The following FGF13 variants were observed in gnomAD, a reference collection of about 807,000 sequenced individuals.
The protein encoded by FGF13 is fibroblast growth factor 13.
Under a neutral mutation model 19.5 loss-of-function variants are expected in FGF13, and 2 were observed. The ratio of observed to expected loss-of-function variants is 0.10; its 90% CI spans 0.04 to 0.32. The LOEUF (loss-of-function observed/expected upper bound fraction) is 0.32, where lower values mean the gene tolerates loss of function less well. Among genes scored for constraint, FGF13 ranks in the 10% least tolerant of loss-of-function variants. FGF13 has a pLI of 1.00. For synonymous variants in FGF13, 72 were observed against 76.9 expected (o/e 0.94, Z 0.33); for missense variants, 113 against 192.7 (o/e 0.59, Z 2.45).
chrX:138,768,448 G>A (rs1410775585), intron 3 of FGF13, among the ~76,000 whole-genome samples: 1 of 109,349 alleles, frequency 9.1e-6, no homozygotes, highest in Non-Finnish European at 1.9e-5. Flanking sequence ...TGGGGGTGCT[G>A]GTAATGTTCT....
At chrX:138,741,671 C>T (rs1412324281), upstream of FGF13, among the ~76,000 whole-genome samples, 3 of 111,382 alleles carry the variant, frequency 2.7e-5, no homozygotes, top group East Asian at 2.9e-4. Context: ...CTAATTCACA[C>T]AAATTTGTCA....
chrX:139,088,498 A>G (rs2083418324), intron 1 of FGF13, among the ~76,000 whole-genome samples: 1 of 109,046 alleles, frequency 9.2e-6, no homozygotes, highest in Admixed American at 9.8e-5. Flanking sequence ...GGCAGATTCA[A>G]CAAAGTCAGC....
chrX:138,792,379 G>A (rs1455469962), intron 3 of FGF13, among the ~76,000 whole-genome samples: 2 of 111,962 alleles, frequency 1.8e-5, no homozygotes, highest in African/African-American at 6.5e-5. Flanking sequence ...GCTAGATAGT[G>A]GGTGGCAGAG....
intron 4 of FGF13, among the ~76,000 whole-genome samples, chrX:138,633,432 A>G (rs1244474516): frequency 9.0e-6 from 1 of 111,640 alleles, no homozygotes; most frequent in Non-Finnish European, 1.9e-5. Flanking sequence ...CTTCAACCAC[A>G]TATGGTTATG....
intron 1 of FGF13, among the ~76,000 whole-genome samples, chrX:138,881,314 A>AGC (rs1306819246): frequency 9.0e-6 from 1 of 111,655 alleles, no homozygotes; most frequent in African/African-American, 3.3e-5. Context: ...TATCTCTAGT[A>AGC]GCTTTCTTGT....
rs558368788 is a variant in FGF13, at chrX:138,848,653, G to A, written c.217+8859C>T. 5.4e-5 allele frequency among the ~76,000 whole-genome samples: 6 copies of A among 111,584 alleles called. No individual in the cohort carries two copies. In the South Asian group the frequency reaches 2.3e-3, roughly 42 times the overall value. On this transcript the variant is annotated intron_variant, in intron 3 of 6. Transcript: ENST00000436198. The stretch of plus-strand genomic sequence containing the variant: ...TTATTTGAAATGCTTGGGACCAGAA[G>A]CACGACAAGAGATTTTGCAGGTTTT...
chrX:138,818,946 T>A (rs1003866375), intron 3 of FGF13, among the ~76,000 whole-genome samples: 25 of 111,974 alleles, frequency 2.2e-4, no homozygotes, highest in African/African-American at 8.1e-4. Context: ...CTAATTTTGC[T>A]AAGTTAACTT....
chrX:139,197,116 A>C (rs1353253335), intron 1 of FGF13, among the ~76,000 whole-genome samples: 1 of 112,262 alleles, frequency 8.9e-6, no homozygotes, highest in East Asian at 2.8e-4. Context: ...ACAGGAAGTG[A>C]GCAGGGCATA....
chrX:138,645,222 C>T (rs951454890), intron 3 of FGF13, among the ~76,000 whole-genome samples: 1 of 112,261 alleles, frequency 8.9e-6, no homozygotes, highest in African/African-American at 3.2e-5. Flanking sequence ...AGGAGAGTTC[C>T]TCCCACCTCA....
rs759785272 is a variant in FGF13, at chrX:138,673,724, A to G, written c.402+29260T>C. On this transcript the variant is annotated intron_variant, in intron 3 of 4. Transcript: ENST00000315930. ...TGGGGTTGATATGGTGGAGAGGGATACGAAGACATGAGAGAGAGAGAAAGA... is the reference window on the plus strand; with the variant it reads ...TGGGGTTGATATGGTGGAGAGGGATGCGAAGACATGAGAGAGAGAGAAAGA... Among the ~76,000 whole-genome samples the G allele has an allele frequency of 9.9e-5, 11 of 111,613 alleles. 1 individual carries two copies. In the South Asian group the frequency reaches 4.2e-3, roughly 43 times the overall value.
At chrX:139,123,710 T>C (rs1282106458) in intron 1 of FGF13, among the ~76,000 whole-genome samples, 2 of 112,640 alleles carry the variant, frequency 1.8e-5, no homozygotes, top group Non-Finnish European at 1.9e-5. Context: ...TGTTCACCAC[T>C]GTATCCTCCC....
At chrX:139,044,891 G>A (rs1269569612) in intron 1 of FGF13, among the ~76,000 whole-genome samples, 1 of 111,013 alleles carries the variant, frequency 9.0e-6, no homozygotes, top group Non-Finnish European at 1.9e-5. Context: ...TGACATTCTC[G>A]GGTCTGGAGG....
chrX:138,675,127 C>T (rs2089652160), intron 3 of FGF13, among the ~76,000 whole-genome samples: 1 of 111,175 alleles, frequency 9.0e-6, no homozygotes, highest in South Asian at 3.9e-4. Flanking sequence ...TTGCCGCTTT[C>T]CCAAGTAATC....
chrX:139,171,166 A>G (rs1258803353), intron 1 of FGF13, among the ~76,000 whole-genome samples: 1 of 109,465 alleles, frequency 9.1e-6, no homozygotes, highest in Non-Finnish European at 1.9e-5. Flanking sequence ...AGAACCTAGC[A>G]AGTAAGGTTG....
intron 3 of FGF13, among the ~76,000 whole-genome samples, chrX:138,846,448 G>C (rs777880040): frequency 2.7e-5 from 3 of 111,826 alleles, no homozygotes; most frequent in Non-Finnish European, 5.7e-5. Context: ...CGGAAAGAGA[G>C]AGAAGAAGCA....
At chrX:138,708,019 T>C (rs1227984311) in intron 2 of FGF13, among the ~76,000 whole-genome samples, 1 of 112,482 alleles carries the variant, frequency 8.9e-6, no homozygotes, top group African/African-American at 3.2e-5. Context: ...AAAAAAATTG[T>C]GAGAACTAAG....
chrX:138,748,153 T>C (rs12839037), intron 3 of FGF13, among the ~76,000 whole-genome samples: 1 of 111,936 alleles, frequency 8.9e-6, no homozygotes, highest in Non-Finnish European at 1.9e-5. Flanking sequence ...TTCTGCTCCT[T>C]TGCTCCAAGG....
At chrX:138,883,680 G>T (rs928266611) in intron 1 of FGF13, among the ~76,000 whole-genome samples, 4 of 111,560 alleles carry the variant, frequency 3.6e-5, no homozygotes, top group African/African-American at 1.3e-4. Flanking sequence ...TCTTACATCT[G>T]ATGAAAAGCA....
chrX:138,989,189 T>C (rs2092005083), intron 1 of FGF13, among the ~76,000 whole-genome samples: 1 of 111,654 alleles, frequency 9.0e-6, no homozygotes, highest in Admixed American at 9.5e-5. Context: ...AAGGACTCTT[T>C]ACAAACTGGA....
Sources: gnomAD v4.1 joint callset for allele counts (sites outside exome capture counted in the v4.1 genomes callset) on GRCh38, gnomAD v4.1.1 for gene constraint, MANE v1.5 for transcripts, NCBI Gene and HGNC (gene_info 2026-07-23, HGNC 2026-07-21) for gene names.